The following LRRC3B variants were observed in gnomAD, a reference collection of about 807,000 sequenced individuals.
The protein encoded by LRRC3B is leucine-rich repeat-containing protein 3B.
In LRRC3B, 2 loss-of-function variants were observed where a neutral mutation model predicts 12.8. The observed-to-expected ratio is 0.16, with a 90% CI of 0.06 to 0.49. The LOEUF (loss-of-function observed/expected upper bound fraction) is 0.49, where lower values mean the gene tolerates loss of function less well. Ranked by LOEUF, LRRC3B falls within the 20% of genes least tolerant of loss-of-function variation. LRRC3B has a pLI of 0.96. For missense variants in LRRC3B, 189 were observed against 319.4 expected, an observed-to-expected ratio of 0.59 and a Z score of 3.11; for synonymous variants, 132 against 122.0, an observed-to-expected ratio of 1.08 and a Z score of -0.54.
chr3:26,662,693 G>T (rs1288452052), intron 1 of LRRC3B, among the ~76,000 whole-genome samples: 1 of 152,054 alleles, frequency 6.6e-6, no homozygotes, highest in African/African-American at 2.4e-5. Context: ...AAGAGAGTGT[G>T]GCTACTTTGG....
intron 1 of LRRC3B, among the ~76,000 whole-genome samples, chr3:26,693,866 TAGC>T (rs1308717602): frequency 6.6e-6 from 1 of 152,164 alleles, no homozygotes; most frequent in Non-Finnish European, 1.5e-5. Context: ...GATGAGGAAA[TAGC>T]AGAGTATAAA....
chr3:26,645,968 C>T (rs1699134729), intron 1 of LRRC3B, among the ~76,000 whole-genome samples: 1 of 152,116 alleles, frequency 6.6e-6, no homozygotes, highest in African/African-American at 2.4e-5. Flanking sequence ...CTGGACTACC[C>T]CAGGATCTGT....
intron 1 of LRRC3B, among the ~76,000 whole-genome samples, chr3:26,682,995 A>G (rs1415783971): frequency 6.6e-6 from 1 of 152,152 alleles, no homozygotes; most frequent in African/African-American, 2.4e-5. Flanking sequence ...TCCTATCTAT[A>G]GTTTTTATGC....
At chr3:26,698,694 C>T (rs1700379478) in intron 1 of LRRC3B, among the ~76,000 whole-genome samples, 1 of 151,994 alleles carries the variant, frequency 6.6e-6, no homozygotes, top group Admixed American at 6.6e-5. Context: ...AAATTTTTCC[C>T]ATCACTGTTT....
At chr3:26,688,338 T>C (rs1250597190) in intron 1 of LRRC3B, among the ~76,000 whole-genome samples, 3 of 152,210 alleles carry the variant, frequency 2.0e-5, no homozygotes, top group Admixed American at 6.5e-5. Context: ...AGGTTGAAAG[T>C]TCGACTTGGT....
At chr3:26,640,492 C>T (rs1404098265) in intron 1 of LRRC3B, among the ~76,000 whole-genome samples, 1 of 151,386 alleles carries the variant, frequency 6.6e-6, no homozygotes, top group Middle Eastern at 3.5e-3. Flanking sequence ...TTTATGCAGA[C>T]CCCAGCTTAG....
At chr3:26,707,577 CT>C (rs1037505158) in intron 1 of LRRC3B, among the ~76,000 whole-genome samples, 1 of 152,114 alleles carries the variant, frequency 6.6e-6, no homozygotes, top group African/African-American at 2.4e-5. Flanking sequence ...CCAGAAAAGG[CT>C]TCTCATCTTT....
At chr3:26,640,927 A>G (rs953214706) in intron 1 of LRRC3B, among the ~76,000 whole-genome samples, 2 of 152,198 alleles carry the variant, frequency 1.3e-5, no homozygotes, top group Non-Finnish European at 2.9e-5. Flanking sequence ...ATATGAATTG[A>G]GGTGTGAACA....
intron 1 of LRRC3B, among the ~76,000 whole-genome samples, chr3:26,701,870 C>CA (rs112860807): frequency 5.9e-5 from 9 of 151,982 alleles, no homozygotes; most frequent in Admixed American, 4.6e-4. Context: ...CCCTTAATTC[C>CA]AAAAAAAGTT....
At chr3:26,674,117 G>C (rs1363916263) in intron 1 of LRRC3B, among the ~76,000 whole-genome samples, 2 of 152,148 alleles carry the variant, frequency 1.3e-5, no homozygotes, top group African/African-American at 4.8e-5. Flanking sequence ...GGTGAGGAGA[G>C]GTTTATGTTG....
intron 1 of LRRC3B, chr3:26,623,724 G>T (rs1487013280): frequency 1.3e-5 from 2 of 152,376 alleles, no homozygotes; most frequent in Non-Finnish European, 2.9e-5. Flanking sequence ...GGGACATGGA[G>T]GATGGCTGCG....
intron 1 of LRRC3B, among the ~76,000 whole-genome samples, chr3:26,706,381 G>A (rs1268810632): frequency 6.6e-6 from 1 of 152,148 alleles, no homozygotes; most frequent in South Asian, 2.1e-4. Context: ...CTGGCTGGGG[G>A]TGATGGCTCT....
chr3:26,633,642 T>C (rs557680205), intron 1 of LRRC3B, among the ~76,000 whole-genome samples: 3 of 152,140 alleles, frequency 2.0e-5, no homozygotes, highest in Non-Finnish European at 2.9e-5. Context: ...TCCTGGAAGA[T>C]GATTACATAT....
chr3:26,700,420 AGG>A (rs1700425119), intron 1 of LRRC3B, among the ~76,000 whole-genome samples: 1 of 152,180 alleles, frequency 6.6e-6, no homozygotes, highest in South Asian at 2.1e-4. Context: ...TCTGAGATGC[AGG>A]TCCTTTCCTG....
chr3:26,676,408 A>G (rs566628318), intron 1 of LRRC3B, among the ~76,000 whole-genome samples: 9 of 152,268 alleles, frequency 5.9e-5, no homozygotes, highest in African/African-American at 2.2e-4. Flanking sequence ...TACAAAGGAC[A>G]TGAACTCATC....
intron 1 of LRRC3B, among the ~76,000 whole-genome samples, chr3:26,690,497 A>T (rs1700168251): frequency 6.6e-6 from 1 of 152,168 alleles, no homozygotes. Context: ...AGACAATTAA[A>T]TGGGTTTGGA....
At chr3:26,671,217 G>A (rs1478766762) in intron 1 of LRRC3B, among the ~76,000 whole-genome samples, 14 of 143,554 alleles carry the variant, frequency 9.8e-5, no homozygotes, top group African/African-American at 2.3e-4. Flanking sequence ...GGGTTTCACC[G>A]TTTTAGCCGG....
chr3:26,708,000 AT>A (rs372304207), intron 1 of LRRC3B, among the ~76,000 whole-genome samples: 5 of 151,848 alleles, frequency 3.3e-5, no homozygotes, highest in Middle Eastern at 3.4e-3. Context: ...TGCTAATCTC[AT>A]TTTTTCCATG....
upstream of LRRC3B, chr3:26,622,779 G>A (rs1698542610): frequency 6.6e-6 from 1 of 152,282 alleles, no homozygotes; most frequent in African/African-American, 2.4e-5. Flanking sequence ...CTCATTCCCA[G>A]CCTGGGTTTG....
Sources: gnomAD v4.1 joint callset for allele counts (sites outside exome capture counted in the v4.1 genomes callset) on GRCh38, gnomAD v4.1.1 for gene constraint, MANE v1.5 for transcripts, NCBI Gene and HGNC (gene_info 2026-07-23, HGNC 2026-07-21) for gene names.